The following STK32B variants were observed in gnomAD, a reference collection of about 807,000 sequenced individuals.
The protein encoded by STK32B is serine/threonine-protein kinase 32B.
In STK32B, 43 loss-of-function variants were observed where a neutral mutation model predicts 52.6. That is an observed-to-expected ratio of 0.82 (90% CI 0.64 to 1.05). The LOEUF (loss-of-function observed/expected upper bound fraction) is 1.05. STK32B is among the 50% of genes least tolerant of loss of function. The pLI is 0.00. For missense variants in STK32B, 621 were observed against 534.6 expected, an observed-to-expected ratio of 1.16 and a Z score of -1.59; for synonymous variants, 238 against 204.3, an observed-to-expected ratio of 1.17 and a Z score of -1.41.
chr4:5,104,412 G>A (rs1440783090), intron 1 of STK32B, among the ~76,000 whole-genome samples: 7 of 152,138 alleles, frequency 4.6e-5, no homozygotes, highest in Admixed American at 4.6e-4. Flanking sequence ...CCGGTCTCAG[G>A]TGTCTTTATT....
At chr4:5,142,943 A>G (rs1439321215) in intron 2 of STK32B, among the ~76,000 whole-genome samples, 1 of 152,204 alleles carries the variant, frequency 6.6e-6, no homozygotes, top group African/African-American at 2.4e-5. Context: ...TGAAGGAGGA[A>G]TTCTGCCTCC....
chr4:5,345,691 G>C (rs1436480859), intron 4 of STK32B, among the ~76,000 whole-genome samples: 1 of 152,204 alleles, frequency 6.6e-6, no homozygotes, highest in Non-Finnish European at 1.5e-5. Context: ...GCCACCCCAA[G>C]TCACCAAGCT....
intron 4 of STK32B, among the ~76,000 whole-genome samples, chr4:5,371,005 T>TAC (rs1735196306): frequency 6.7e-6 from 1 of 150,130 alleles, no homozygotes; most frequent in African/African-American, 2.5e-5. Flanking sequence ...TGTATATATA[T>TAC]ATATATGTAT....
chr4:5,294,178 T>C (rs1009490567), intron 3 of STK32B, among the ~76,000 whole-genome samples: 1 of 152,212 alleles, frequency 6.6e-6, no homozygotes, highest in Non-Finnish European at 1.5e-5. Context: ...CCATGCTGTT[T>C]TGGTTACTGT....
intron 6 of STK32B, among the ~76,000 whole-genome samples, chr4:5,445,127 C>T (rs1428658814): frequency 1.3e-5 from 2 of 152,156 alleles, no homozygotes; most frequent in Admixed American, 6.5e-5. Context: ...AAACATGTCC[C>T]CGGAGGCTGT....
intron 2 of STK32B, among the ~76,000 whole-genome samples, chr4:5,140,613 G>T (rs1021986642): frequency 2.0e-5 from 3 of 152,160 alleles, no homozygotes; most frequent in African/African-American, 4.8e-5. Flanking sequence ...CACATAGGCG[G>T]GAAGTGTCAA....
intron 4 of STK32B, among the ~76,000 whole-genome samples, chr4:5,343,072 G>A (rs1338531374): frequency 1.3e-5 from 2 of 151,494 alleles, no homozygotes; most frequent in Admixed American, 1.3e-4. Flanking sequence ...TTAACGTTAG[G>A]TATATCTCCT....
chr4:5,167,592 T>G (rs1718977230), intron 2 of STK32B, among the ~76,000 whole-genome samples: 1 of 152,104 alleles, frequency 6.6e-6, no homozygotes, highest in Non-Finnish European at 1.5e-5. Flanking sequence ...CAGGAAAGGG[T>G]GTGCTGTGTT....
At chr4:5,480,085 ACAGT>A (rs549704832) in intron 11 of STK32B, among the ~76,000 whole-genome samples, 99 of 152,348 alleles carry the variant, frequency 6.5e-4, no homozygotes, top group African/African-American at 2.2e-3. Context: ...AGCCTCGGTG[ACAGT>A]CAGCACTACC....
chr4:5,247,119 A>T (rs897001050), intron 3 of STK32B, among the ~76,000 whole-genome samples: 112 of 152,310 alleles, frequency 7.4e-4, no homozygotes, highest in African/African-American at 2.3e-3. Context: ...GGGACATTTA[A>T]GACTGCAGAG....
intron 6 of STK32B, among the ~76,000 whole-genome samples, chr4:5,431,020 G>A (rs1713530235): frequency 6.6e-6 from 1 of 152,184 alleles, no homozygotes; most frequent in Admixed American, 6.5e-5. Flanking sequence ...GTCTTAGGTA[G>A]GCTCTGTGTC....
intron 3 of STK32B, among the ~76,000 whole-genome samples, chr4:5,225,691 A>G (rs1000315226): frequency 3.3e-5 from 5 of 152,168 alleles, no homozygotes; most frequent in South Asian, 2.1e-4. Flanking sequence ...GCAAAATTCT[A>G]TGGCCATTAG....
intron 2 of STK32B, among the ~76,000 whole-genome samples, chr4:5,158,641 G>C (rs1718060765): frequency 6.6e-6 from 1 of 152,178 alleles, no homozygotes; most frequent in Admixed American, 6.5e-5. Context: ...CAACAAAACT[G>C]ATTTTCACAG....
the STK32B span, among the ~76,000 whole-genome samples, chr4:5,039,437 A>G: frequency 6.6e-6 from 1 of 152,182 alleles, no homozygotes; most frequent in Non-Finnish European, 1.5e-5. Flanking sequence ...TTCTGCTTCC[A>G]CATCTTGCTC....
chr4:5,367,598 T>A (rs1218988383), intron 4 of STK32B, among the ~76,000 whole-genome samples: 2 of 152,158 alleles, frequency 1.3e-5, no homozygotes, highest in Admixed American at 1.3e-4. Context: ...CTTGTTGATA[T>A]CAACCCAGTC....
At chr4:5,076,520 T>A (rs1712083250) in intron 1 of STK32B, among the ~76,000 whole-genome samples, 1 of 152,200 alleles carries the variant, frequency 6.6e-6, no homozygotes, top group South Asian at 2.1e-4. Context: ...ATTTTTAATG[T>A]CTTCTGAATC....
intron 6 of STK32B, among the ~76,000 whole-genome samples, chr4:5,443,924 G>T (rs1715061810): frequency 6.6e-6 from 1 of 152,174 alleles, no homozygotes; most frequent in Admixed American, 6.5e-5. Flanking sequence ...GTGGTCAGGG[G>T]TCAGGCACCC....
intron 2 of STK32B, among the ~76,000 whole-genome samples, chr4:5,148,244 TTC>T (rs1364891965): frequency 2.0e-5 from 3 of 151,832 alleles, no homozygotes; most frequent in Admixed American, 6.6e-5. Context: ...TGGTTGTAAC[TTC>T]TCTTTCATTT....
chr4:5,357,262 T>C (rs963212930), intron 4 of STK32B, among the ~76,000 whole-genome samples: 1 of 150,496 alleles, frequency 6.6e-6, no homozygotes, highest in Non-Finnish European at 1.5e-5. Context: ...GAATGTACTG[T>C]GTTCTAGACA....
Sources: allele counts gnomAD v4.1 joint callset (sites outside exome capture counted in the v4.1 genomes callset), GRCh38; gene constraint gnomAD v4.1.1; transcripts MANE v1.5; gene names NCBI Gene and HGNC (gene_info 2026-07-23, HGNC 2026-07-21).